The following TSGA10 variants were observed in gnomAD, a reference collection of about 807,000 sequenced individuals.
TSGA10 encodes the protein testis-specific gene 10 protein.
Under a neutral mutation model 96.6 loss-of-function variants are expected in TSGA10, and 43 were observed. The ratio of observed to expected loss-of-function variants is 0.44; its 90% CI spans 0.35 to 0.57. TSGA10 has a LOEUF of 0.57. Among genes scored for constraint, TSGA10 ranks in the 20% least tolerant of loss-of-function variants. The pLI is 0.01. For missense variants in TSGA10, 703 were observed against 834.4 expected (o/e 0.84, Z 1.94); for synonymous variants, 229 against 269.9 (o/e 0.85, Z 1.48).
intron 10 of TSGA10, among the ~76,000 whole-genome samples, chr2:99,100,220 C>T (rs1053832245): frequency 1.3e-4 from 20 of 151,974 alleles, no homozygotes; most frequent in East Asian, 7.7e-4. Context: ...TGCAAAGGGC[C>T]GGCAATAGTC....
At chr2:99,141,052 TC>T in intron 1 of TSGA10, 1 of 1,264,974 alleles carries the variant, frequency 7.9e-7, no homozygotes, top group East Asian at 6.2e-5. Flanking sequence ...AGCAGCACTC[TC>T]CCCACCCCGC....
At chr2:99,037,191 C>T (rs2081707112) in intron 16 of TSGA10, among the ~76,000 whole-genome samples, 1 of 152,184 alleles carries the variant, frequency 6.6e-6, no homozygotes, top group South Asian at 2.1e-4. Flanking sequence ...CAGCAGAATA[C>T]ACATTCTTTT....
chr2:99,016,071 T>C (rs1199208134), intron 20 of TSGA10, among the ~76,000 whole-genome samples: 11 of 152,156 alleles, frequency 7.2e-5, no homozygotes, highest in South Asian at 2.1e-4. Context: ...AAAATGACCA[T>C]ACTGCCAAAA....
At chr2:99,128,134 T>C (rs2092920259) in intron 1 of TSGA10, among the ~76,000 whole-genome samples, 1 of 152,160 alleles carries the variant, frequency 6.6e-6, no homozygotes, top group South Asian at 2.1e-4. Context: ...TTCTCCAAAA[T>C]CCTACCTAGG....
At chr2:99,008,566 C>G (rs1410524007) in intron 20 of TSGA10, among the ~76,000 whole-genome samples, 2 of 152,152 alleles carry the variant, frequency 1.3e-5, no homozygotes, top group African/African-American at 2.4e-5. Flanking sequence ...TGTGGGGAAA[C>G]AGTACTTTCA....
intron 10 of TSGA10, among the ~76,000 whole-genome samples, chr2:99,096,330 G>A (rs1358073189): frequency 6.6e-6 from 1 of 152,148 alleles, no homozygotes; most frequent in Non-Finnish European, 1.5e-5. Flanking sequence ...TCTAAGTTTG[G>A]ATCAGCTTCC....
In TSGA10 at chr2:99,146,445, A is replaced by G. The variant is rs1574763113; in HGVS notation, c.-621+8248T>C. Among the ~76,000 whole-genome samples the G allele has an allele frequency of 1.3e-5, 2 of 152,016 alleles. 1 individual carries two copies. The highest frequency in any genetic ancestry group is 4.1e-4 in the South Asian group (2 of 4,826). On this transcript the variant is annotated intron_variant, in intron 1 of 20. Transcript: ENST00000393483. ...CAGTCTCTTATCTATCTTTTTGTTT[A>G]TATTTTTTTCATTGAATAGAAATTC...
chr2:99,086,945 C>T (rs1156443730), intron 10 of TSGA10, among the ~76,000 whole-genome samples: 4 of 152,014 alleles, frequency 2.6e-5, no homozygotes, highest in East Asian at 1.9e-4. Flanking sequence ...TGTCTCATGC[C>T]TGTAATCCCA....
chr2:99,004,031 CA>C (rs1245733252), intron 20 of TSGA10, among the ~76,000 whole-genome samples: 4 of 151,982 alleles, frequency 2.6e-5, no homozygotes, highest in South Asian at 2.1e-4. Flanking sequence ...AAAAGATCAA[CA>C]AAATTGACAC....
At chr2:99,143,593 C>G (rs1267857307) in intron 1 of TSGA10, among the ~76,000 whole-genome samples, 1 of 151,964 alleles carries the variant, frequency 6.6e-6, no homozygotes, top group African/African-American at 2.4e-5. Context: ...GCCTTAGCCC[C>G]TTGAGTAGCT....
At chr2:99,048,186 A>T (rs2082996116) in intron 16 of TSGA10, among the ~76,000 whole-genome samples, 1 of 152,166 alleles carries the variant, frequency 6.6e-6, no homozygotes, top group South Asian at 2.1e-4. Context: ...CCATCAAGCT[A>T]CCATTGACTT....
At chr2:99,123,793 T>C (rs2092695467) in intron 2 of TSGA10, among the ~76,000 whole-genome samples, 1 of 152,236 alleles carries the variant, frequency 6.6e-6, no homozygotes, top group Non-Finnish European at 1.5e-5. Context: ...TTCATTCATT[T>C]TGCAGCATGT....
chr2:99,049,651 G>A (rs2083178264), intron 16 of TSGA10, among the ~76,000 whole-genome samples: 1 of 151,282 alleles, frequency 6.6e-6, no homozygotes, highest in Non-Finnish European at 1.5e-5. Flanking sequence ...GATAAGTGCA[G>A]CAAACCACCA....
intron 11 of TSGA10, among the ~76,000 whole-genome samples, chr2:99,079,227 C>A (rs763495209): frequency 6.6e-6 from 1 of 152,004 alleles, no homozygotes; most frequent in African/African-American, 2.4e-5. Flanking sequence ...TGGTAAGTAA[C>A]AAATCTTAAT....
At chr2:99,003,252 T>C (rs919094183) in intron 20 of TSGA10, among the ~76,000 whole-genome samples, 1 of 152,194 alleles carries the variant, frequency 6.6e-6, no homozygotes, top group African/African-American at 2.4e-5. Flanking sequence ...CTAACTATCC[T>C]AAATATCTAT....
At chr2:99,130,105 A>G (rs942322343) in intron 1 of TSGA10, among the ~76,000 whole-genome samples, 6 of 152,170 alleles carry the variant, frequency 3.9e-5, no homozygotes, top group African/African-American at 1.4e-4. Context: ...ATACATGTGA[A>G]TATGTCTTTA....
intron 2 of TSGA10, chr2:99,126,724 C>T (rs578092212): frequency 2.8e-4 from 48 of 173,764 alleles, no homozygotes; most frequent in Non-Finnish European, 4.9e-4. Flanking sequence ...TCACTTGTTA[C>T]TCAAGTGTCA....
Position 99,078,641 on chromosome 2 carries a change from A to T in TSGA10, c.882+18T>A, listed in dbSNP as rs1344237610. ...TTCATTTAAACGTTTCTTATAAACC[A>T]CAGTTCTCAGAACATACTTTCATTG... On this transcript the variant is annotated intron_variant, in intron 12 of 20. Transcript: ENST00000393483. The T allele has an allele frequency of 6.3e-7, 1 of 1,597,394 alleles. No homozygotes were observed. Among genetic ancestry groups the T allele is most frequent in the African/African-American group, 1.4e-5 (1 of 74,034 alleles).
intron 10 of TSGA10, among the ~76,000 whole-genome samples, chr2:99,082,321 G>A (rs2087627841): frequency 6.6e-6 from 1 of 152,010 alleles, no homozygotes; most frequent in Non-Finnish European, 1.5e-5. Context: ...GTAACCATTT[G>A]TTTTTTTGAT....
Sources: gnomAD v4.1 joint callset for allele counts (sites outside exome capture counted in the v4.1 genomes callset) on GRCh38, gnomAD v4.1.1 for gene constraint, MANE v1.5 for transcripts, NCBI Gene and HGNC (gene_info 2026-07-23, HGNC 2026-07-21) for gene names.